The following TECTA variants were observed in gnomAD, a reference collection of about 807,000 sequenced individuals.
TECTA encodes alpha-tectorin.
Under a neutral mutation model 216.8 loss-of-function variants are expected in TECTA, and 128 were observed. The ratio of observed to expected loss-of-function variants is 0.59; its 90% CI spans 0.51 to 0.68. The LOEUF is 0.68. TECTA is among the 30% of genes least tolerant of loss of function. The pLI is 0.00. For missense variants in TECTA, 2,551 were observed against 2,786.2 expected (o/e 0.92, Z 1.90); for synonymous variants, 1,089 against 1,117.1 (o/e 0.97, Z 0.50).
chr11:121,166,811 C>A (rs780788182), intron 18 of TECTA, 31 bp downstream of exon 18: 5 of 1,610,928 alleles, frequency 3.1e-6, no homozygotes, highest in Admixed American at 3.3e-5. Context: ...GAGCACCTGG[C>A]AGAGGCAGCG....
At chr11:121,114,107 C>T (rs914073851) in intron 6 of TECTA, among the ~76,000 whole-genome samples, 1 of 152,088 alleles carries the variant, frequency 6.6e-6, no homozygotes, top group African/African-American at 2.4e-5. Flanking sequence ...TCCTTATTCT[C>T]GCTCTGTCTT....
chr11:121,179,974 GTTTT>G (rs368080288), intron 20 of TECTA, among the ~76,000 whole-genome samples: 4 of 120,692 alleles, frequency 3.3e-5, no homozygotes, highest in Non-Finnish European at 5.5e-5. Flanking sequence ...TTGTTTGTTT[GTTTT>G]TTTTTTTTTT....
intron 20 of TECTA, among the ~76,000 whole-genome samples, chr11:121,180,809 A>G (rs1024322625): frequency 8.7e-6 from 1 of 114,776 alleles, no homozygotes; most frequent in East Asian, 2.8e-4. Context: ...TTTCTTTCTT[A>G]TTCCTTTTTT....
At position 121,140,728 on chromosome 11, in the gene TECTA, C is replaced by T. The variant is rs549555754; in HGVS notation, c.3543+2706C>T. 2.0e-5 allele frequency among the ~76,000 whole-genome samples: 3 copies of T among 152,276 alleles called. No homozygotes were observed. In the East Asian group the frequency reaches 5.8e-4, roughly 29 times the overall value. ...GTTCGTCACCTTGTGGCAGCATAAA[C>T]TCCAGTCTCTGCCTCCGCCTTTACA... On this transcript the variant is annotated intron_variant, in intron 11 of 23. Transcript: ENST00000392793.
Position 121,138,153 on chromosome 11 carries a change from G to C in TECTA, c.3543+131G>C, listed in dbSNP as rs149686907. The C allele has an allele frequency of 6.3e-4, 822 of 1,301,200 alleles. 6 individuals carry two copies. The African/African-American group carries it at 0.01, about 17-fold the overall frequency. The allele number at this position is 1,301,200 out of a possible 1,614,324, so 80.6% of individuals were successfully genotyped here. A position where few individuals can be genotyped will look rare whatever the true frequency, so the allele number is the denominator to read the frequency against. The stretch of plus-strand genomic sequence containing the variant: ...ATCTTAGTATATTAAAGCAGAGAGA[G>C]GCCCTAGAGATTTTCTGTCACTTCA... On this transcript the variant is annotated intron_variant, in intron 11 of 23. Coordinates refer to ENST00000392793, the MANE Select transcript of TECTA (RefSeq NM_005422.4).
chr11:121,111,116 A>G (rs1044462696), intron 4 of TECTA, among the ~76,000 whole-genome samples: 1 of 152,216 alleles, frequency 6.6e-6, no homozygotes, highest in Non-Finnish European at 1.5e-5. Context: ...AGGAAAAGGG[A>G]CATGTTTACT....
At chr11:121,188,295 G>C (rs1947307595) in intron 21 of TECTA, among the ~76,000 whole-genome samples, 1 of 152,182 alleles carries the variant, frequency 6.6e-6, no homozygotes, top group African/African-American at 2.4e-5. Flanking sequence ...GTGCACTGTA[G>C]GATGTTAGCA....
Position 121,113,670 on chromosome 11 carries a change from A to G in TECTA, c.742A>G (p.Lys248Glu). 1 of 1,613,866 alleles carries G rather than the reference A, an allele frequency of 6.2e-7. No individual in the cohort carries two copies. The highest frequency in any genetic ancestry group is 8.5e-7 in the Non-Finnish European group (1 of 1,180,008). ...CAATGTTCCAGGCCGCTGGGCATTT[A>G]AAGTTGATGGAAAGGAAATTGACCC... is the stretch of plus-strand genomic sequence containing the variant. ...NVNVPGRWAF[K>E]VDGKEIDPAN... Residue 248 changes from lysine (K) to glutamate (E), a missense_variant, in exon 6 of 24, where the codon AAA becomes GAA. By Grantham distance (56) the Lys-to-Glu change is moderately conservative. Transcript: ENST00000392793. The surrounding 1 kb of genome is among the most constrained non-coding windows in gnomAD (Gnocchi z 4.2).
At chr11:121,178,622 A>C (rs749015411) in intron 20 of TECTA, among the ~76,000 whole-genome samples, 6 of 151,628 alleles carry the variant, frequency 4.0e-5, no homozygotes, top group Non-Finnish European at 8.8e-5. Context: ...AGCTAGGAAG[A>C]ATCCCCAAAT....
At position 121,118,574 on chromosome 11, in the gene TECTA, G is replaced by T. The variant is rs1245413141; in HGVS notation, c.1059G>T (p.Leu353Phe). Residue 353 changes from leucine to phenylalanine, a missense_variant, in exon 7 of 24, where the codon TTG becomes TTT. Transcript: ENST00000392793. ...SCAYLLARQC[L>F]QTSSLPFFSV... The stretch of plus-strand genomic sequence containing the variant: ...CCTACTTGCTGGCCCGACAGTGTTT[G>T]CAGACTTCCAGCCTCCCTTTCTTCA... The T allele has an allele frequency of 6.2e-7, 1 of 1,614,190 alleles. No homozygotes were observed. Among genetic ancestry groups the T allele is most frequent in the East Asian group, 2.2e-5 (1 of 44,888 alleles).
chr11:121,162,713 CCTTGGCT>C (rs1947014016), intron 16 of TECTA, among the ~76,000 whole-genome samples: 1 of 152,216 alleles, frequency 6.6e-6, no homozygotes, highest in African/African-American at 2.4e-5. Flanking sequence ...CTCAGCTCCA[CCTTGGCT>C]CCTTTAACAT....
At chr11:121,185,095 C>G (rs1411973058) in intron 20 of TECTA, among the ~76,000 whole-genome samples, 1 of 152,120 alleles carries the variant, frequency 6.6e-6, no homozygotes, top group Non-Finnish European at 1.5e-5. Flanking sequence ...GGAGAGTGAG[C>G]CGGAGAGCAT....
In TECTA at chr11:121,187,700, C is replaced by T. The variant is rs1947301138; in HGVS notation, c.6000-132C>T. 3 of 972,724 alleles carry T rather than the reference C, an allele frequency of 3.1e-6. No homozygotes were observed. In the Admixed American group the frequency reaches 5.7e-5, roughly 18 times the overall value. 60.3% of individuals were successfully genotyped at this position (972,724 alleles called of 1,614,324 possible). On this transcript the variant is annotated intron_variant, in intron 20 of 23. Coordinates refer to ENST00000392793, the MANE Select transcript of TECTA (RefSeq NM_005422.4). ...ACAAGCCCATGCAGTCCAGGGGTCA[C>T]TTTCAAATGTAAAGGCATTTCTGCC...
intron 12 of TECTA, among the ~76,000 whole-genome samples, chr11:121,148,900 C>A (rs1478830128): frequency 1.3e-5 from 2 of 152,216 alleles, no homozygotes; most frequent in African/African-American, 4.8e-5. Flanking sequence ...CTAGCCTCTC[C>A]TTAAAATTCA....
chr11:121,130,221 G>A lies in TECTA; in HGVS notation c.2941+10G>A. On this transcript the variant is annotated intron_variant, in intron 10 of 23. Coordinates refer to ENST00000392793, the MANE Select transcript of TECTA (RefSeq NM_005422.4). ...ACCTATGACTTCTGCCGTAAGTTGGGGTTGGATTCTGGGAGAGGCTTTCTA... is the reference window on the plus strand; with the variant it reads ...ACCTATGACTTCTGCCGTAAGTTGGAGTTGGATTCTGGGAGAGGCTTTCTA... 1 of 1,599,592 alleles carries A rather than the reference G, an allele frequency of 6.3e-7. No individual in the cohort carries two copies. The highest frequency in any genetic ancestry group is 8.5e-7 in the Non-Finnish European group (1 of 1,179,816).
At chr11:121,174,759 A>C (rs1000346994) in intron 20 of TECTA, among the ~76,000 whole-genome samples, 8 of 152,104 alleles carry the variant, frequency 5.3e-5, no homozygotes, top group African/African-American at 1.9e-4. Context: ...TAGTTTCAGA[A>C]GGAATGGTAC....
chr11:121,161,724 G>T (rs1003887706), intron 15 of TECTA, among the ~76,000 whole-genome samples: 1 of 150,226 alleles, frequency 6.7e-6, no homozygotes, highest in Non-Finnish European at 1.5e-5. Flanking sequence ...ATTGTTATTG[G>T]TTATATCAAT....
At chr11:121,164,490 T>C (rs1010074361) in intron 16 of TECTA, among the ~76,000 whole-genome samples, 1 of 152,166 alleles carries the variant, frequency 6.6e-6, no homozygotes, top group Non-Finnish European at 1.5e-5. Context: ...TGCTCCTAAT[T>C]AGTGGTTCTC....
At chr11:121,112,412 C>T (rs1172080286) in intron 4 of TECTA, among the ~76,000 whole-genome samples, 1 of 152,156 alleles carries the variant, frequency 6.6e-6, no homozygotes, top group South Asian at 2.1e-4. Context: ...TAGGCGTGGG[C>T]CAATACGATC....
Sources: gnomAD v4.1 joint callset for allele counts (sites outside exome capture counted in the v4.1 genomes callset) on GRCh38, gnomAD v4.1.1 for gene constraint, Gnocchi (gnomAD v3.1) non-coding constraint, MANE v1.5 for transcripts, NCBI Gene and HGNC (gene_info 2026-07-23, HGNC 2026-07-21) for gene names.